FLVCR1: variants seen among roughly 807,000 people sequenced by gnomAD.
The protein encoded by FLVCR1 is FLVCR choline and heme transporter 1, also known as choline/ethanolamine transporter FLVCR1.
FLVCR1 carries 34 observed loss-of-function variants against 53.6 expected under a neutral mutation model. That is an observed-to-expected ratio of 0.63 (90% CI 0.48 to 0.84). The LOEUF is 0.84. Among genes scored for constraint, FLVCR1 ranks in the 40% least tolerant of loss-of-function variants. FLVCR1 has a pLI of 0.00. For missense variants in FLVCR1, 677 were observed against 696.7 expected (o/e 0.97, Z 0.32); for synonymous variants, 300 against 286.3 (o/e 1.05, Z -0.48).
In FLVCR1 at chr1:212,898,432, T is replaced by G. The variant is rs1665395742; in HGVS notation, c.*3142T>G. 6.6e-6 allele frequency: 1 copy of G among 152,232 alleles called. No homozygotes were observed. Among genetic ancestry groups the G allele is most frequent in the African/African-American group, 2.4e-5 (1 of 41,466 alleles). The allele number at this position is 152,232 out of a possible 1,614,324, so 9.4% of individuals were successfully genotyped here. A position where few individuals can be genotyped will look rare whatever the true frequency, so the allele number is the denominator to read the frequency against. On this transcript the variant is annotated 3_prime_UTR_variant, in exon 10 of 10. Transcript: ENST00000366971. ...GTCTCTCCCCAAATGTTTTTATTTT[T>G]AAACTATCAATGTTGTTTAAAATAA...
At chr1:212,869,341 G>T (rs574848788) in intron 2 of FLVCR1, among the ~76,000 whole-genome samples, 5 of 152,326 alleles carry the variant, frequency 3.3e-5, no homozygotes, top group Admixed American at 1.3e-4. Flanking sequence ...GAAAGTAGCA[G>T]TTAGGTGTAA....
intron 2 of FLVCR1, among the ~76,000 whole-genome samples, chr1:212,868,658 C>T (rs1342020582): frequency 6.6e-6 from 1 of 152,192 alleles, no homozygotes; most frequent in Admixed American, 6.5e-5. Flanking sequence ...ATCCGCTTGT[C>T]TCGGCCTCCC....
chr1:212,895,244 A>C lies in FLVCR1; in HGVS notation c.1622A>C (p.Glu541Ala), dbSNP rs1201647207. 6.2e-7 allele frequency: 1 copy of C among 1,613,516 alleles called. No individual in the cohort carries two copies. The highest frequency in any genetic ancestry group is 8.5e-7 in the Non-Finnish European group (1 of 1,179,562). ...AIPADSPTDQEPKTVMLSKQS... is the reference protein window; with the variant it reads ...AIPADSPTDQAPKTVMLSKQS... The stretch of plus-strand genomic sequence containing the variant: ...CCAGCTGACAGTCCCACAGACCAAG[A>C]ACCAAAAACGGTTATGTTGTCCAAG... The change falls in exon 10 of 10, where the codon GAA becomes GCA. Residue 541 changes from glutamate to alanine, a missense_variant. Glu to Ala is a moderately radical substitution (Grantham distance 107, BLOSUM62 -1). Coordinates refer to ENST00000366971, the MANE Select transcript of FLVCR1 (RefSeq NM_014053.4).
chr1:212,883,579 ATTTG>A, intron 4 of FLVCR1, 141 bp downstream of exon 4: 2 of 627,152 alleles, frequency 3.2e-6, no homozygotes, highest in East Asian at 5.6e-5. Flanking sequence ...TTGAGAATAT[ATTTG>A]TTAAAAAATG....
At position 212,897,201 on chromosome 1, in the gene FLVCR1, AT is replaced by A. The variant is rs2102579943; in HGVS notation, c.*1912del. ...AATAAATAAATAAATAAATAAATAAATAAATAAATAAAACCTGAGGTTGAGC... is the reference window on the plus strand; with the variant it reads ...AATAAATAAATAAATAAATAAATAAAAAATAAATAAAACCTGAGGTTGAGC... On this transcript the variant is annotated 3_prime_UTR_variant, in exon 10 of 10. Transcript: ENST00000366971. 1 of 84,476 alleles carries A rather than the reference AT, an allele frequency of 1.2e-5. No individual in the cohort carries two copies. The highest frequency in any genetic ancestry group is 3.4e-5 in the African/African-American group (1 of 29,172). 5.2% of individuals were successfully genotyped at this position (84,476 alleles called of 1,614,324 possible).
rs569027124 is a variant in FLVCR1 at position 212,870,522 on chromosome 1, T to C, written c.884-2156T>C. 3.9e-5 allele frequency among the ~76,000 whole-genome samples: 6 copies of C among 152,298 alleles called. No homozygotes were observed. The South Asian group carries it at 1.0e-3, about 26-fold the overall frequency. On this transcript the variant is annotated intron_variant, in intron 2 of 9. Coordinates refer to ENST00000366971, the MANE Select transcript of FLVCR1 (RefSeq NM_014053.4). The stretch of plus-strand genomic sequence containing the variant: ...GGGTAGAATCTCAAAATCTGTATTA[T>C]TTTTAATTTCCAAATGATTCCAGTT...
At position 212,858,327 on chromosome 1, in the gene FLVCR1, A is replaced by C. The variant is rs1210709721; in HGVS notation, c.-126A>C. 18 of 966,630 alleles carry C rather than the reference A, an allele frequency of 1.9e-5. No individual in the cohort carries two copies. In the African/African-American group the frequency reaches 3.1e-4, roughly 16 times the overall value. 59.9% of individuals were successfully genotyped at this position (966,630 alleles called of 1,614,324 possible). A position where few individuals can be genotyped will look rare whatever the true frequency, so the allele number is the denominator to read the frequency against. Reference sequence around the variant, plus strand: ...CGGATTGCGGTTCGCGGCGCGCGCCACCGGGGAAGGAGCGGTGGGCCGAGG... The same window carrying C: ...CGGATTGCGGTTCGCGGCGCGCGCCCCCGGGGAAGGAGCGGTGGGCCGAGG... On this transcript the variant is annotated 5_prime_UTR_variant, in exon 1 of 10. Coordinates refer to ENST00000366971, the MANE Select transcript of FLVCR1 (RefSeq NM_014053.4).
rs1480894776 is a variant in FLVCR1, at chr1:212,899,300, T to C, written c.*4010T>C. On this transcript the variant is annotated 3_prime_UTR_variant, in exon 10 of 10. Transcript: ENST00000366971. Reference sequence around the variant, plus strand: ...ATGTTCTAATTTTTGTTCTTTGTACTATTTATCTGTATGCTTGTTCTTCAG... The same window carrying C: ...ATGTTCTAATTTTTGTTCTTTGTACCATTTATCTGTATGCTTGTTCTTCAG... 1 of 152,262 alleles carries C rather than the reference T, an allele frequency of 6.6e-6. No individual in the cohort carries two copies. Among genetic ancestry groups the C allele is most frequent in the Non-Finnish European group, 1.5e-5 (1 of 68,042 alleles). The allele number at this position is 152,262 out of a possible 1,614,324, so 9.4% of individuals were successfully genotyped here. A position where few individuals can be genotyped will look rare whatever the true frequency, so the allele number is the denominator to read the frequency against.
Position 212,897,345 on chromosome 1 carries a change from T to TACACACACACACACACACACACACAC in FLVCR1, c.*2058_*2059insCACACACACACACACACACACACACA, listed in dbSNP as rs1481300321. 1.5e-3 allele frequency: 150 copies of TACACACACACACACACACACACACAC among 99,940 alleles called. 5 individuals carry two copies. Among genetic ancestry groups the TACACACACACACACACACACACACAC allele is most frequent in the African/African-American group, 7.5e-3 (140 of 18,748 alleles). 6.2% of individuals were successfully genotyped at this position (99,940 alleles called of 1,614,324 possible). A position where few individuals can be genotyped will look rare whatever the true frequency, so the allele number is the denominator to read the frequency against. On this transcript the variant is annotated 3_prime_UTR_variant, in exon 10 of 10. Transcript: ENST00000366971. Reference sequence around the variant, plus strand: ...GGCAAAACCCCATCTCTACTAAAAATACATACACACACACACACACACACA... The same window carrying TACACACACACACACACACACACACAC: ...GGCAAAACCCCATCTCTACTAAAAATACACACACACACACACACACACACACACATACACACACACACACACACACA...
chr1:212,890,931 A>G (rs1280987327), intron 8 of FLVCR1, among the ~76,000 whole-genome samples: 1 of 152,210 alleles, frequency 6.6e-6, no homozygotes, highest in African/African-American at 2.4e-5. Context: ...AAGAAAGTGA[A>G]TGCACTCTGT....
At chr1:212,864,320 AC>A in intron 2 of FLVCR1, 1 of 263,186 alleles carries the variant, frequency 3.8e-6, no homozygotes, top group Non-Finnish European at 7.5e-6. Flanking sequence ...GAAAATGTTG[AC>A]TAGTGAATGG....
chr1:212,872,628 A>G (rs1664632457), intron 2 of FLVCR1, 50 bp from the exon 3 acceptor site: 5 of 1,163,000 alleles, frequency 4.3e-6, no homozygotes, highest in East Asian at 2.6e-5. Flanking sequence ...ATATAACAAC[A>G]TATTGTATAT....
chr1:212,870,117 AG>A (rs1382416934), intron 2 of FLVCR1: 1 of 152,252 alleles, frequency 6.6e-6, no homozygotes, highest in Non-Finnish European at 1.5e-5. Flanking sequence ...ATAGAATGAA[AG>A]GAAGAGGAGG....
At chr1:212,876,867 G>A (rs10746439) in intron 3 of FLVCR1, among the ~76,000 whole-genome samples, 70,464 of 152,022 alleles carry the variant, frequency 0.46, 17,578 homozygotes, top group East Asian at 0.56. Flanking sequence ...AATGGGATTG[G>A]TGGGTCAAAT....
rs1339584349 is a variant in FLVCR1, at chr1:212,870,951, G to A, written c.884-1727G>A. ...GCCTGGCTAATTTTTGTAATTTTTT[G>A]TAGAGACGGGGTTTCACCATGTTGG... On this transcript the variant is annotated intron_variant, in intron 2 of 9. Coordinates refer to ENST00000366971, the MANE Select transcript of FLVCR1 (RefSeq NM_014053.4). Among the ~76,000 whole-genome samples, 3 of 152,190 alleles carry A rather than the reference G, an allele frequency of 2.0e-5. 1 individual carries two copies. In the South Asian group the frequency reaches 6.2e-4, roughly 32 times the overall value.
At position 212,858,409 on chromosome 1, in the gene FLVCR1, G is replaced by C; in HGVS notation, c.-44G>C. On this transcript the variant is annotated 5_prime_UTR_variant, in exon 1 of 10. Coordinates refer to ENST00000366971, the MANE Select transcript of FLVCR1 (RefSeq NM_014053.4). ...GCTGTGGGCCGGGAGAGCGGAGTCGGGGAGTGGGGCGGGGGAGCGAGGTGG... is the reference window on the plus strand; with the variant it reads ...GCTGTGGGCCGGGAGAGCGGAGTCGCGGAGTGGGGCGGGGGAGCGAGGTGG... The C allele has an allele frequency of 4.2e-6, 6 of 1,419,874 alleles. No individual in the cohort carries two copies. Among genetic ancestry groups the C allele is most frequent in the Non-Finnish European group, 4.6e-6 (5 of 1,088,030 alleles). 88.0% of individuals were successfully genotyped at this position (1,419,874 alleles called of 1,614,324 possible).
intron 1 of FLVCR1, among the ~76,000 whole-genome samples, chr1:212,859,955 C>G (rs1476729364): frequency 2.6e-5 from 4 of 152,102 alleles, no homozygotes; most frequent in East Asian, 3.9e-4. Flanking sequence ...CAGCACAGTT[C>G]CTGGCACATA....
intron 1 of FLVCR1, among the ~76,000 whole-genome samples, chr1:212,859,446 G>A (rs1286795707): frequency 6.6e-6 from 1 of 152,186 alleles, no homozygotes; most frequent in Non-Finnish European, 1.5e-5. Flanking sequence ...GGCCGGGCGC[G>A]GTGGCACACA....
intron 2 of FLVCR1, among the ~76,000 whole-genome samples, chr1:212,867,431 C>T (rs1210884138): frequency 3.3e-5 from 5 of 152,084 alleles, no homozygotes; most frequent in Non-Finnish European, 4.4e-5. Flanking sequence ...ATTTTATAGA[C>T]AAGGAAACTG....
Sources: gnomAD v4.1 joint callset for allele counts (sites outside exome capture counted in the v4.1 genomes callset) on GRCh38, gnomAD v4.1.1 for gene constraint, MANE v1.5 for transcripts, NCBI Gene and HGNC (gene_info 2026-07-23, HGNC 2026-07-21) for gene names.